Variants in TEX11 observed in about 807,000 individuals in gnomAD.
The protein encoded by TEX11 is testis-expressed protein 11.
Under a neutral mutation model 84.4 loss-of-function variants are expected in TEX11, and 7 were observed. That is an observed-to-expected ratio of 0.08 (90% CI 0.05 to 0.16). TEX11 has a LOEUF of 0.16. Among genes scored for constraint, TEX11 ranks in the 10% least tolerant of loss-of-function variants. TEX11 has a pLI of 1.00. For missense variants in TEX11, 551 were observed against 660.5 expected, an observed-to-expected ratio of 0.83 and a Z score of 1.82; for synonymous variants, 264 against 222.8, an observed-to-expected ratio of 1.18 and a Z score of -1.64.
intron 8 of TEX11, among the ~76,000 whole-genome samples, chrX:70,826,029 C>A (rs1241658928): frequency 1.0e-5 from 1 of 96,614 alleles, no homozygotes; most frequent in Non-Finnish European, 2.1e-5. Context: ...GTTGGCCTGG[C>A]GCAGTGGCTC....
intron 3 of TEX11, among the ~76,000 whole-genome samples, chrX:70,874,395 C>CTT (rs34210812): frequency 0.058 from 2,759 of 47,759 alleles, 12 homozygotes; most frequent in East Asian, 0.09. Flanking sequence ...TGATGACTTC[C>CTT]TTTTTTTTTT....
At chrX:70,814,358 G>A (rs1286206342) in intron 8 of TEX11, among the ~76,000 whole-genome samples, 1 of 111,972 alleles carries the variant, frequency 8.9e-6, no homozygotes, top group Non-Finnish European at 1.9e-5. Flanking sequence ...CATTTTTAAG[G>A]CTCAAATGAT....
chrX:70,651,863 C>T (rs989725136), intron 16 of TEX11, among the ~76,000 whole-genome samples: 1 of 111,366 alleles, frequency 9.0e-6, no homozygotes, highest in Non-Finnish European at 1.9e-5. Context: ...AAAGAATTAC[C>T]AAGGCAAAAT....
chrX:70,808,107 C>CAAAAGAAAAAAAAA (rs2091230225), intron 8 of TEX11, among the ~76,000 whole-genome samples: 1 of 32,614 alleles, frequency 3.1e-5, no homozygotes, highest in African/African-American at 1.8e-4. Flanking sequence ...GACTCTGTCT[C>CAAAAGAAAAAAAAA]AAAAAAAAAA....
chrX:70,716,934 A>T (rs1481844329), intron 13 of TEX11, among the ~76,000 whole-genome samples: 1 of 112,097 alleles, frequency 8.9e-6, no homozygotes, highest in Non-Finnish European at 1.9e-5. Context: ...CCTCCAATTA[A>T]TCTTATCTTT....
intron 24 of TEX11, among the ~76,000 whole-genome samples, chrX:70,604,258 A>C (rs1189028846): frequency 1.8e-5 from 2 of 112,053 alleles, no homozygotes; most frequent in Non-Finnish European, 3.8e-5. Context: ...GCACTATATA[A>C]AAATAAGATG....
At chrX:70,571,888 G>T (rs1375515913) in intron 25 of TEX11, among the ~76,000 whole-genome samples, 1 of 111,740 alleles carries the variant, frequency 8.9e-6, no homozygotes, top group Non-Finnish European at 1.9e-5. Flanking sequence ...TAATGAATGT[G>T]TAGGTGAGGT....
chrX:70,822,112 A>G (rs987951708), intron 8 of TEX11, among the ~76,000 whole-genome samples: 2 of 111,749 alleles, frequency 1.8e-5, no homozygotes, highest in Non-Finnish European at 3.8e-5. Flanking sequence ...AATAGTTGTT[A>G]TACTGTATTA....
At chrX:70,555,472 C>T (rs985259362) in intron 25 of TEX11, among the ~76,000 whole-genome samples, 2 of 112,183 alleles carry the variant, frequency 1.8e-5, no homozygotes, top group Admixed American at 1.9e-4. Context: ...TGTGTTTAAA[C>T]CCGTGTAATA....
chrX:70,757,207 T>C (rs903236340), intron 9 of TEX11, among the ~76,000 whole-genome samples: 7 of 111,549 alleles, frequency 6.3e-5, no homozygotes, highest in Non-Finnish European at 1.3e-4. Flanking sequence ...CAGGATATTA[T>C]CCAGGAGACC....
At chrX:70,809,275 A>G (rs6625686) in intron 8 of TEX11, among the ~76,000 whole-genome samples, 44,994 of 111,210 alleles carry the variant, frequency 0.4, 7,501 homozygotes, top group East Asian at 0.55. Flanking sequence ...AGGAAAACCA[A>G]TATAATTAAC....
At chrX:70,680,858 A>G (rs909939108) in intron 14 of TEX11, among the ~76,000 whole-genome samples, 6 of 112,154 alleles carry the variant, frequency 5.3e-5, no homozygotes, top group Admixed American at 2.8e-4. Flanking sequence ...TGCCTTAATA[A>G]GGTTATTGTG....
chrX:70,687,853 AGAAAGAAAG>A (rs1346470764), intron 13 of TEX11, among the ~76,000 whole-genome samples: 4 of 108,065 alleles, frequency 3.7e-5, no homozygotes, highest in African/African-American at 6.8e-5. Context: ...TTCAAAGAAA[AGAAAGAAAG>A]GAAAGAAAGG....
chrX:70,609,876 A>T (rs2089238881), intron 21 of TEX11, among the ~76,000 whole-genome samples: 1 of 110,954 alleles, frequency 9.0e-6, no homozygotes, highest in Admixed American at 9.7e-5. Context: ...GTTAGAAAAA[A>T]AATGTGATAC....
chrX:70,559,353 C>G (rs570627636), intron 25 of TEX11, among the ~76,000 whole-genome samples: 1 of 112,266 alleles, frequency 8.9e-6, no homozygotes, highest in Admixed American at 9.4e-5. Context: ...ATGAAGTGTT[C>G]AGAATATGCA....
chrX:70,877,016 G>A (rs1227523479), intron 3 of TEX11, among the ~76,000 whole-genome samples: 4 of 111,582 alleles, frequency 3.6e-5, no homozygotes, highest in East Asian at 2.8e-4. Context: ...ATTTACCACC[G>A]GGCACAGTGG....
chrX:70,596,537 A>G (rs2089009041), intron 24 of TEX11, among the ~76,000 whole-genome samples: 1 of 111,541 alleles, frequency 9.0e-6, no homozygotes, highest in South Asian at 3.8e-4. Context: ...CCTAAATAAT[A>G]AATGGGTCAA....
chrX:70,622,163 G>C (rs1461078525), intron 20 of TEX11, among the ~76,000 whole-genome samples: 1 of 111,831 alleles, frequency 8.9e-6, no homozygotes, highest in African/African-American at 3.2e-5. Flanking sequence ...ATTGCCTACA[G>C]TAAACCAAAA....
intron 18 of TEX11, among the ~76,000 whole-genome samples, chrX:70,626,079 G>T (rs999422165): frequency 9.0e-6 from 1 of 110,967 alleles, no homozygotes; most frequent in Non-Finnish European, 1.9e-5. Context: ...ATAGGTAGAG[G>T]ATCCTCCCAA....
Sources: allele counts gnomAD v4.1 joint callset (sites outside exome capture counted in the v4.1 genomes callset), GRCh38; gene constraint gnomAD v4.1.1; transcripts MANE v1.5; gene names NCBI Gene and HGNC (gene_info 2026-07-23, HGNC 2026-07-21).